TYW1B: variants seen among roughly 807,000 people sequenced by gnomAD.
TYW1B encodes tRNA-yW synthesizing protein 1 homolog B, also known as S-adenosyl-L-methionine-dependent tRNA 4-demethylwyosine synthase TYW1B.
In TYW1B, 73 loss-of-function variants were observed where a neutral mutation model predicts 86.9. The ratio of observed to expected loss-of-function variants is 0.84; its 90% CI spans 0.70 to 1.02. The LOEUF (loss-of-function observed/expected upper bound fraction) is 1.02. Among genes scored for constraint, TYW1B ranks in the 50% least tolerant of loss-of-function variants. TYW1B has a pLI of 0.00. For synonymous variants in TYW1B, 248 were observed against 292.8 expected, an observed-to-expected ratio of 0.85 and a Z score of 1.56; for missense variants, 637 against 827.4, an observed-to-expected ratio of 0.77 and a Z score of 2.82.
chr7:72,682,216 C>CA (rs879949041), intron 11 of TYW1B, among the ~76,000 whole-genome samples: 115 of 134,682 alleles, frequency 8.5e-4, no homozygotes, highest in Admixed American at 1.5e-3. Context: ...ACTCTGTTAA[C>CA]AAAAAAAAAA....
chr7:72,775,632 T>A (rs1322060751), intron 7 of TYW1B, among the ~76,000 whole-genome samples: 1 of 152,092 alleles, frequency 6.6e-6, no homozygotes, highest in East Asian at 1.9e-4. Context: ...AAAGCCATTT[T>A]CAGATATACG....
intron 7 of TYW1B, among the ~76,000 whole-genome samples, chr7:72,756,423 C>T (rs527732255): frequency 2.6e-5 from 4 of 151,234 alleles, no homozygotes; most frequent in African/African-American, 2.4e-5. Context: ...TTAGTAGAGA[C>T]GGGATTTCAC....
chr7:72,755,971 A>T (rs1787579643), intron 7 of TYW1B, among the ~76,000 whole-genome samples: 1 of 152,146 alleles, frequency 6.6e-6, no homozygotes, highest in Non-Finnish European at 1.5e-5. Context: ...AAATAAAGAC[A>T]AAGGGATGTT....
intron 9 of TYW1B, 114 bp from the exon 10 acceptor site, chr7:72,713,912 T>G: frequency 1.3e-6 from 1 of 776,748 alleles, no homozygotes; most frequent in South Asian, 2.5e-5. Flanking sequence ...TACCAAAGAA[T>G]ACAAAACAAA....
rs1345945432 is a variant in TYW1B at position 72,659,304 on chromosome 7, C to A, written c.1507-30307G>T. Among the ~76,000 whole-genome samples the A allele has an allele frequency of 1.3e-5, 2 of 152,220 alleles. 1 individual carries two copies. Among genetic ancestry groups the A allele is most frequent in the South Asian group, 4.2e-4 (2 of 4,814 alleles). On this transcript the variant is annotated intron_variant, in intron 11 of 13. Coordinates refer to ENST00000620995, the MANE Select transcript of TYW1B (RefSeq NM_001145440.3). Reference sequence around the variant, plus strand: ...CAAAAAACTGATGAATATGGCAGGGCGTGGTGGCTCACGCCTGCAATCCCA... The same window carrying A: ...CAAAAAACTGATGAATATGGCAGGGAGTGGTGGCTCACGCCTGCAATCCCA...
chr7:72,744,906 T>C (rs1384125828), intron 7 of TYW1B, among the ~76,000 whole-genome samples: 6 of 152,236 alleles, frequency 3.9e-5, no homozygotes, highest in South Asian at 2.1e-4. Context: ...CAATAGTATA[T>C]AATGCTAGGA....
intron 6 of TYW1B, among the ~76,000 whole-genome samples, chr7:72,779,863 A>G (rs78318292): frequency 6.8e-6 from 1 of 147,048 alleles, no homozygotes. Context: ...CCAAATGAGA[A>G]AAAAAAAAAA....
intron 6 of TYW1B, among the ~76,000 whole-genome samples, chr7:72,789,106 C>A (rs1431306694): frequency 1.3e-5 from 2 of 151,904 alleles, no homozygotes; most frequent in Non-Finnish European, 2.9e-5. Context: ...GCTGAGATTA[C>A]AGGAATGAGC....
At chr7:72,669,932 AAAATAAATAAATAAAT>A (rs78712037) in intron 11 of TYW1B, among the ~76,000 whole-genome samples, 167 of 141,042 alleles carry the variant, frequency 1.2e-3, no homozygotes, top group African/African-American at 3.4e-3. Flanking sequence ...CCATTTCTAC[AAAATAAATAAATAAAT>A]AAATAAATAA....
chr7:72,718,151 G>A (rs1182193827), intron 9 of TYW1B, among the ~76,000 whole-genome samples: 2 of 151,986 alleles, frequency 1.3e-5, no homozygotes, highest in African/African-American at 4.8e-5. Flanking sequence ...CCATAAAAAC[G>A]AACAAAATCA....
intron 11 of TYW1B, among the ~76,000 whole-genome samples, chr7:72,642,417 A>G (rs1413749566): frequency 2.0e-5 from 3 of 152,228 alleles, no homozygotes; most frequent in Non-Finnish European, 4.4e-5. Flanking sequence ...TAGAATTACT[A>G]TATGACCCAG....
chr7:72,766,735 T>G (rs1440008040), intron 7 of TYW1B, among the ~76,000 whole-genome samples: 25 of 151,602 alleles, frequency 1.6e-4, no homozygotes, highest in Non-Finnish European at 3.2e-4. Context: ...AAGACCAGCC[T>G]GGCCAACAAG....
chr7:72,648,544 GA>G (rs1171338007), intron 11 of TYW1B, among the ~76,000 whole-genome samples: 3,600 of 75,198 alleles, frequency 0.048, 118 homozygotes, highest in African/African-American at 0.14. Context: ...CTCTGTCTCA[GA>G]AAAAAAAAAA....
At chr7:72,674,033 C>G (rs1187241392) in intron 11 of TYW1B, among the ~76,000 whole-genome samples, 1 of 152,044 alleles carries the variant, frequency 6.6e-6, no homozygotes, top group African/African-American at 2.4e-5. Flanking sequence ...GTTCAATACC[C>G]ACCATTCCCT....
At chr7:72,758,098 T>C (rs1235340284) in intron 7 of TYW1B, among the ~76,000 whole-genome samples, 1 of 152,092 alleles carries the variant, frequency 6.6e-6, no homozygotes, top group Non-Finnish European at 1.5e-5. Flanking sequence ...CGTGCGCCTG[T>C]AATCCCAGTT....
chr7:72,591,697 G>A (rs1276998113), intron 13 of TYW1B, among the ~76,000 whole-genome samples: 3 of 152,188 alleles, frequency 2.0e-5, no homozygotes, highest in African/African-American at 4.8e-5. Context: ...AGGTTGAAAT[G>A]AAAGGGCACT....
intron 4 of TYW1B, among the ~76,000 whole-genome samples, chr7:72,808,096 CAA>C (rs3034181): frequency 4.0e-4 from 36 of 90,598 alleles, no homozygotes; most frequent in Admixed American, 6.2e-4. Flanking sequence ...GACTCTGTCT[CAA>C]AAAAAAAAAA....
At chr7:72,796,830 T>A (rs1788313163) in intron 6 of TYW1B, among the ~76,000 whole-genome samples, 1 of 151,374 alleles carries the variant, frequency 6.6e-6, no homozygotes, top group African/African-American at 2.4e-5. Flanking sequence ...TGCGGCACAA[T>A]AAAGAATATA....
intron 7 of TYW1B, among the ~76,000 whole-genome samples, chr7:72,748,106 T>C (rs1282221497): frequency 2.0e-5 from 3 of 152,018 alleles, no homozygotes; most frequent in East Asian, 1.9e-4. Flanking sequence ...CCGTCTCTAC[T>C]AAAAATACAA....
Sources: allele counts gnomAD v4.1 joint callset (sites outside exome capture counted in the v4.1 genomes callset), GRCh38; gene constraint gnomAD v4.1.1; transcripts MANE v1.5; gene names NCBI Gene and HGNC (gene_info 2026-07-23, HGNC 2026-07-21).